Variants in ZFP14 observed in about 807,000 individuals in gnomAD.
The protein encoded by ZFP14 is zinc finger protein 14 homolog.
Under a neutral mutation model 54.5 loss-of-function variants are expected in ZFP14, and 22 were observed. The ratio of observed to expected loss-of-function variants is 0.40; its 90% CI spans 0.29 to 0.58. The LOEUF is 0.58. ZFP14 is among the 20% of genes least tolerant of loss of function. The pLI is 0.39. For missense variants in ZFP14, 470 were observed against 637.8 expected, an observed-to-expected ratio of 0.74 and a Z score of 2.83; for synonymous variants, 159 against 204.0, an observed-to-expected ratio of 0.78 and a Z score of 1.88.
At chr19:36,346,950 C>T (rs1046284319) in intron 4 of ZFP14, among the ~76,000 whole-genome samples, 5 of 152,212 alleles carry the variant, frequency 3.3e-5, no homozygotes, top group African/African-American at 9.6e-5. Flanking sequence ...GCTAAGGCTA[C>T]GTACACTTAT....
At chr19:36,368,557 C>T (rs2031831301) in intron 1 of ZFP14, among the ~76,000 whole-genome samples, 1 of 152,170 alleles carries the variant, frequency 6.6e-6, no homozygotes, top group African/African-American at 2.4e-5. Flanking sequence ...CCAGGTCGCC[C>T]TCTAGCAATG....
At chr19:36,365,394 G>A (rs1158959957) in intron 2 of ZFP14, among the ~76,000 whole-genome samples, 2 of 151,770 alleles carry the variant, frequency 1.3e-5, no homozygotes, top group East Asian at 1.9e-4. Context: ...CAATCTTTTA[G>A]GAACTCATTT....
intron 2 of ZFP14, among the ~76,000 whole-genome samples, chr19:36,364,528 G>C (rs1029372600): frequency 3.3e-5 from 5 of 152,124 alleles, no homozygotes; most frequent in African/African-American, 1.2e-4. Context: ...CTTTCCCGCT[G>C]GGTGTGGGCA....
intron 4 of ZFP14, among the ~76,000 whole-genome samples, chr19:36,356,672 C>T (rs34656490): frequency 0.052 from 7,875 of 152,172 alleles, 240 homozygotes; most frequent in Non-Finnish European, 0.066. Flanking sequence ...TTGGAAACCA[C>T]TAATTTGTTT....
At position 36,341,652 on chromosome 19, in the gene ZFP14, A is replaced by C. The variant is rs951379864; in HGVS notation, c.236-62T>G. 7.7e-5 allele frequency: 113 copies of C among 1,459,454 alleles called. No homozygotes were observed. The highest frequency in any genetic ancestry group is 9.5e-5 in the Non-Finnish European group (105 of 1,104,258). The allele number at this position is 1,459,454 out of a possible 1,614,324, so 90.4% of individuals were successfully genotyped here. A position where few individuals can be genotyped will look rare whatever the true frequency, so the allele number is the denominator to read the frequency against. ...CCTGTTCCAGAAAGAAAAAACAAAC[A>C]AACAAAAAAACCACTTCTATAGAGA... On this transcript the variant is annotated intron_variant, in intron 4 of 4. Coordinates refer to ENST00000270001, the MANE Select transcript of ZFP14 (RefSeq NM_020917.3). This position sits in a 1 kb window ranked among gnomAD's most constrained non-coding sequence, Gnocchi z 4.2.
chr19:36,360,652 G>A, intron 3 of ZFP14, 119 bp from the exon 4 acceptor site: 3 of 825,442 alleles, frequency 3.6e-6, no homozygotes, highest in Non-Finnish European at 5.4e-6. Context: ...TAGGAGCGAA[G>A]AATTGCAAGG....
chr19:36,361,240 T>C (rs912986637), intron 3 of ZFP14, among the ~76,000 whole-genome samples: 4 of 152,110 alleles, frequency 2.6e-5, no homozygotes, highest in African/African-American at 9.7e-5. Flanking sequence ...AGAATGTGTT[T>C]CAGGGTTTTT....
chr19:36,360,409 TCAATGC>T lies in ZFP14; in HGVS notation c.235+20_235+25del. The stretch of plus-strand genomic sequence containing the variant: ...AGCTATTACCTGCAGTAGTGATTTC[TCAATGC>T]CTGCTCAGCCCTCACTCACCAGGGC... On this transcript the variant is annotated intron_variant, in intron 4 of 4. Coordinates refer to ENST00000270001, the MANE Select transcript of ZFP14 (RefSeq NM_020917.3). 6.2e-7 allele frequency: 1 copy of T among 1,603,786 alleles called. No individual in the cohort carries two copies. Among genetic ancestry groups the T allele is most frequent in the Non-Finnish European group, 8.5e-7 (1 of 1,173,420 alleles).
At position 36,349,246 on chromosome 19, in the gene ZFP14, A is replaced by C. The variant is rs1208788167; in HGVS notation, c.236-7656T>G. ...AACTCTGTCTCAAAAAAAAAAACAA[A>C]AAAAAAAAAACAAAAAAAAAAAAAC... On this transcript the variant is annotated intron_variant, in intron 4 of 4. Transcript: ENST00000270001. 5.5e-3 allele frequency among the ~76,000 whole-genome samples: 382 copies of C among 68,842 alleles called. 27 individuals carry two copies. The highest frequency in any genetic ancestry group is 0.024 in the African/African-American group (335 of 13,968). The allele number at this position is 68,842 out of a possible 152,430, so 45.2% of individuals were successfully genotyped here. A position where few individuals can be genotyped will look rare whatever the true frequency, so the allele number is the denominator to read the frequency against.
chr19:36,341,957 T>C lies in ZFP14; in HGVS notation c.236-367A>G, dbSNP rs924729689. 6.6e-6 allele frequency among the ~76,000 whole-genome samples: 1 copy of C among 151,958 alleles called. No individual in the cohort carries two copies. The highest frequency in any genetic ancestry group is 1.5e-5 in the Non-Finnish European group (1 of 67,996). On this transcript the variant is annotated intron_variant, in intron 4 of 4. Coordinates refer to ENST00000270001, the MANE Select transcript of ZFP14 (RefSeq NM_020917.3). This position sits in a 1 kb window ranked among gnomAD's most constrained non-coding sequence, Gnocchi z 4.2. ...AGCTCCGCCTCCCGGGTTCACGCCATTCTCCTGCCTCAGCCTCCCAAGTAG... is the reference window on the plus strand; with the variant it reads ...AGCTCCGCCTCCCGGGTTCACGCCACTCTCCTGCCTCAGCCTCCCAAGTAG...
rs771486287 is a variant in ZFP14, at chr19:36,341,334, G to T, written c.492C>A (p.Ile164=). 4 of 1,614,098 alleles carry T rather than the reference G, an allele frequency of 2.5e-6. No homozygotes were observed. Among genetic ancestry groups the T allele is most frequent in the South Asian group, 2.2e-5 (2 of 91,064 alleles). Residue 164 remains isoleucine (I), a synonymous_variant, in exon 5 of 5, where the codon ATC becomes ATA. Transcript: ENST00000270001. The surrounding 1 kb of genome is among the most constrained non-coding windows in gnomAD (Gnocchi z 4.2). The part of the protein sequence containing the change: ...KRHNFLTEYQ[I]VHNGEKVYEC... ...CATACACCTTTTCTCCATTATGAAC[G>T]ATCTGATACTCAGTAAGAAAATTGT...
At position 36,350,738 on chromosome 19, in the gene ZFP14, C is replaced by T. The variant is rs886160564; in HGVS notation, c.236-9148G>A. On this transcript the variant is annotated intron_variant, in intron 4 of 4. Transcript: ENST00000270001. ...TCACTGCAATATAAAATTAGGCACA[C>T]CACAGTAATCTGTTAAAAAAAAATC... 7.0e-5 allele frequency among the ~76,000 whole-genome samples: 10 copies of T among 142,152 alleles called. 3 individuals carry two copies. The highest frequency in any genetic ancestry group is 1.6e-4 in the Non-Finnish European group (10 of 64,284). 93.3% of individuals were successfully genotyped at this position (142,152 alleles called of 152,430 possible). A position where few individuals can be genotyped will look rare whatever the true frequency, so the allele number is the denominator to read the frequency against.
rs1450459364 is a variant in ZFP14, at chr19:36,367,927, C to T, written c.-35G>A. 1 of 1,602,620 alleles carries T rather than the reference C, an allele frequency of 6.2e-7. No individual in the cohort carries two copies. The highest frequency in any genetic ancestry group is 1.3e-5 in the African/African-American group (1 of 74,686). ...ACTGCAAAAACTGGTCAGTCCTTTT[C>T]AAGATTTCTCTGTTGGAGAACTATG... is the stretch of plus-strand genomic sequence containing the variant. On this transcript the variant is annotated 5_prime_UTR_variant, in exon 2 of 5. Coordinates refer to ENST00000270001, the MANE Select transcript of ZFP14 (RefSeq NM_020917.3).
chr19:36,370,555 A>T (rs1466665489), intron 1 of ZFP14, among the ~76,000 whole-genome samples: 3 of 152,248 alleles, frequency 2.0e-5, no homozygotes, highest in Non-Finnish European at 4.4e-5. Context: ...TGGCCTCTGC[A>T]ATCAGGCACA....
rs763951566 is a variant in ZFP14, at chr19:36,355,565, C to G, written c.235+4870G>C. ...AAGTGTGGAGGCATGTGCCAGTAAA[C>G]CCAGCTACTCAGGAGGCTGAGACGG... On this transcript the variant is annotated intron_variant, in intron 4 of 4. Transcript: ENST00000270001. 7.2e-5 allele frequency among the ~76,000 whole-genome samples: 10 copies of G among 139,704 alleles called. 2 individuals carry two copies. The highest frequency in any genetic ancestry group is 1.3e-4 in the Non-Finnish European group (8 of 63,332). 91.7% of individuals were successfully genotyped at this position (139,704 alleles called of 152,430 possible). A position where few individuals can be genotyped will look rare whatever the true frequency, so the allele number is the denominator to read the frequency against.
chr19:36,342,175 C>CTTT (rs35293783), intron 4 of ZFP14, among the ~76,000 whole-genome samples: 102 of 74,616 alleles, frequency 1.4e-3, no homozygotes, highest in African/African-American at 2.3e-3. Context: ...CATTCTATGC[C>CTTT]TTTTTTTTTT....
Position 36,352,165 on chromosome 19 carries a change from C to T in ZFP14, c.235+8270G>A, listed in dbSNP as rs149176388. On this transcript the variant is annotated intron_variant, in intron 4 of 4. Coordinates refer to ENST00000270001, the MANE Select transcript of ZFP14 (RefSeq NM_020917.3). The stretch of plus-strand genomic sequence containing the variant: ...TGCCACTGCACTCCATTCTGGGCAA[C>T]GGAGCCAGACTCTGTCTCAAAAAAA... 5.9e-4 allele frequency among the ~76,000 whole-genome samples: 81 copies of T among 138,106 alleles called. 9 individuals are homozygous for T. The highest frequency in any genetic ancestry group is 2.1e-3 in the African/African-American group (76 of 35,884). The allele number at this position is 138,106 out of a possible 152,430, so 90.6% of individuals were successfully genotyped here. A position where few individuals can be genotyped will look rare whatever the true frequency, so the allele number is the denominator to read the frequency against.
At chr19:36,365,271 G>A (rs1600081896) in intron 2 of ZFP14, among the ~76,000 whole-genome samples, 1 of 152,008 alleles carries the variant, frequency 6.6e-6, no homozygotes, top group African/African-American at 2.4e-5. Flanking sequence ...GGGACACAGT[G>A]GGTCAGTACA....
At chr19:36,370,767 G>A (rs2031866331) in intron 1 of ZFP14, among the ~76,000 whole-genome samples, 1 of 152,222 alleles carries the variant, frequency 6.6e-6, no homozygotes, top group Non-Finnish European at 1.5e-5. Flanking sequence ...CAGAACCACT[G>A]CATGGGCTAT....
Sources: gnomAD v4.1 joint callset for allele counts (sites outside exome capture counted in the v4.1 genomes callset) on GRCh38, gnomAD v4.1.1 for gene constraint, Gnocchi (gnomAD v3.1) non-coding constraint, MANE v1.5 for transcripts, NCBI Gene and HGNC (gene_info 2026-07-23, HGNC 2026-07-21) for gene names.